SYTL3: variants seen among roughly 807,000 people sequenced by gnomAD.
The protein encoded by SYTL3 is synaptotagmin-like protein 3.
Under a neutral mutation model 82.1 loss-of-function variants are expected in SYTL3, and 88 were observed. The ratio of observed to expected loss-of-function variants is 1.07; its 90% CI spans 0.90 to 1.28. The LOEUF is 1.28. SYTL3 is among the 50% of genes most tolerant of loss of function. SYTL3 has a pLI of 0.00. For missense variants in SYTL3, 831 were observed against 757.6 expected (o/e 1.10, Z -1.14); for synonymous variants, 311 against 289.4 (o/e 1.07, Z -0.76).
At chr6:158,703,977 A>G (rs1413459102) in intron 6 of SYTL3, among the ~76,000 whole-genome samples, 3 of 151,634 alleles carry the variant, frequency 2.0e-5, no homozygotes, top group African/African-American at 7.3e-5. Flanking sequence ...GTGTGACCTC[A>G]TGCCCGGCTA....
In SYTL3 at chr6:158,758,310, C is replaced by A. The variant is rs546079919; in HGVS notation, c.1308+929C>A. On this transcript the variant is annotated intron_variant, in intron 14 of 17. Coordinates refer to ENST00000611299, the MANE Select transcript of SYTL3 (RefSeq NM_001242394.2). ...AAAATTAGCTGGGTGTGGTGGTGCACGCCTGTAGTCCCAGCTGCTCTGGAG... is the reference window on the plus strand; with the variant it reads ...AAAATTAGCTGGGTGTGGTGGTGCAAGCCTGTAGTCCCAGCTGCTCTGGAG... Among the ~76,000 whole-genome samples, 254 of 152,132 alleles carry A rather than the reference C, an allele frequency of 1.7e-3. 1 individual carries two copies. The highest frequency in any genetic ancestry group is 2.1e-3 in the Non-Finnish European group (144 of 67,992).
intron 1 of SYTL3, 90 bp downstream of exon 1, chr6:158,650,168 T>C (rs1787809441): frequency 6.6e-6 from 1 of 152,202 alleles, no homozygotes; most frequent in South Asian, 2.1e-4. Context: ...ATTGTAACTT[T>C]TCTTAAATTT....
chr6:158,667,146 A>T (rs1360929068), intron 5 of SYTL3, among the ~76,000 whole-genome samples: 1 of 152,180 alleles, frequency 6.6e-6, no homozygotes, highest in Non-Finnish European at 1.5e-5. Flanking sequence ...ATTTCTCAGC[A>T]TTTTTTCTTC....
chr6:158,683,286 T>C (rs1382246517), intron 6 of SYTL3, among the ~76,000 whole-genome samples: 1 of 140,960 alleles, frequency 7.1e-6, no homozygotes, highest in Non-Finnish European at 1.5e-5. Flanking sequence ...AGTGGCACAA[T>C]CTCGGCTCAC....
intron 5 of SYTL3, among the ~76,000 whole-genome samples, chr6:158,678,878 T>A (rs1000202181): frequency 6.6e-6 from 1 of 152,206 alleles, no homozygotes; most frequent in Non-Finnish European, 1.5e-5. Context: ...AGGGCACAAA[T>A]TTATTGCTGA....
At chr6:158,710,529 G>T (rs1226246457) in intron 8 of SYTL3, among the ~76,000 whole-genome samples, 2 of 149,182 alleles carry the variant, frequency 1.3e-5, no homozygotes, top group Admixed American at 6.6e-5. Flanking sequence ...AAAAAAAAAT[G>T]CATAACACAA....
At chr6:158,700,287 CATTTT>C in intron 6 of SYTL3, among the ~76,000 whole-genome samples, 1 of 151,980 alleles carries the variant, frequency 6.6e-6, no homozygotes, top group Non-Finnish European at 1.5e-5. Flanking sequence ...ATAAACAAAA[CATTTT>C]ATTTTGTAGA....
At chr6:158,680,780 CT>C (rs1176730773) in intron 5 of SYTL3, among the ~76,000 whole-genome samples, 6 of 152,016 alleles carry the variant, frequency 3.9e-5, no homozygotes, top group Admixed American at 1.3e-4. Flanking sequence ...CTTAAATGCT[CT>C]TTCTATATTT....
chr6:158,758,102 A>G (rs919507337), intron 14 of SYTL3, among the ~76,000 whole-genome samples: 1 of 151,998 alleles, frequency 6.6e-6, no homozygotes, highest in African/African-American at 2.4e-5. Flanking sequence ...TTCATGTGAG[A>G]CCACGAGGGA....
chr6:158,740,115 T>C (rs984611331), intron 11 of SYTL3, among the ~76,000 whole-genome samples: 1 of 150,098 alleles, frequency 6.7e-6, no homozygotes, highest in African/African-American at 2.4e-5. Flanking sequence ...TCCTGCCTCA[T>C]TCTCCTGAGT....
At chr6:158,743,770 T>G (rs1051199893) in intron 11 of SYTL3, among the ~76,000 whole-genome samples, 1 of 151,614 alleles carries the variant, frequency 6.6e-6, no homozygotes, top group Non-Finnish European at 1.5e-5. Flanking sequence ...TGTGTAAAAA[T>G]TTTACATTGT....
At chr6:158,749,066 A>G (rs933981275) in intron 12 of SYTL3, among the ~76,000 whole-genome samples, 1 of 151,706 alleles carries the variant, frequency 6.6e-6, no homozygotes, top group African/African-American at 2.4e-5. Context: ...TACTAAAAAT[A>G]CAGAGAAAAT....
chr6:158,745,683 C>G (rs1224735199), intron 12 of SYTL3, 25 bp downstream of exon 12: 1 of 1,536,758 alleles, frequency 6.5e-7, no homozygotes, highest in Non-Finnish European at 8.8e-7. Context: ...TTAAGTTTAA[C>G]ATGAGACATA....
intron 14 of SYTL3, among the ~76,000 whole-genome samples, chr6:158,758,495 A>G (rs115867355): frequency 0.016 from 2,409 of 151,540 alleles, 54 homozygotes; most frequent in African/African-American, 0.055. Flanking sequence ...GGCCCACGGC[A>G]GGCCCAGCCT....
At chr6:158,720,799 C>A (rs1784018502) in intron 10 of SYTL3, among the ~76,000 whole-genome samples, 1 of 152,210 alleles carries the variant, frequency 6.6e-6, no homozygotes, top group Non-Finnish European at 1.5e-5. Flanking sequence ...AAAGAGATGA[C>A]CAAGAGCTAG....
intron 6 of SYTL3, among the ~76,000 whole-genome samples, chr6:158,705,685 G>GGGC (rs59379170): frequency 3.3e-4 from 8 of 24,252 alleles, no homozygotes; most frequent in African/African-American, 2.4e-3. Flanking sequence ...CAGGGTGACA[G>GGGC]TGAGGGCTGT....
chr6:158,645,719 T>C (rs1787398364), upstream of SYTL3, among the ~76,000 whole-genome samples: 2 of 152,112 alleles, frequency 1.3e-5, no homozygotes, highest in Non-Finnish European at 1.5e-5. Flanking sequence ...TCTATCAGGG[T>C]CTTATTAGAG....
intron 11 of SYTL3, among the ~76,000 whole-genome samples, chr6:158,731,121 A>G (rs969288143): frequency 4.5e-4 from 68 of 152,022 alleles, no homozygotes; most frequent in African/African-American, 1.5e-3. Flanking sequence ...TGTCTCTACT[A>G]AAAATACAAA....
intron 5 of SYTL3, among the ~76,000 whole-genome samples, chr6:158,670,311 T>A (rs1777221486): frequency 6.6e-6 from 1 of 152,118 alleles, no homozygotes; most frequent in Non-Finnish European, 1.5e-5. Flanking sequence ...TTCAAGTGAG[T>A]AAAAGGTCTA....
Sources: gnomAD v4.1 joint callset for allele counts (sites outside exome capture counted in the v4.1 genomes callset) on GRCh38, gnomAD v4.1.1 for gene constraint, MANE v1.5 for transcripts, NCBI Gene and HGNC (gene_info 2026-07-23, HGNC 2026-07-21) for gene names.